CNTNAP2: variants seen among roughly 807,000 people sequenced by gnomAD.
The protein encoded by CNTNAP2 is contactin associated protein 2.
Under a neutral mutation model 155.2 loss-of-function variants are expected in CNTNAP2, and 98 were observed. That is an observed-to-expected ratio of 0.63 (90% CI 0.54 to 0.75). The LOEUF is 0.75. Ranked by LOEUF, CNTNAP2 falls within the 30% of genes least tolerant of loss-of-function variation. The pLI is 0.00. For synonymous variants in CNTNAP2, 651 were observed against 631.2 expected (o/e 1.03, Z -0.47); for missense variants, 1,727 against 1,688.1 (o/e 1.02, Z -0.40).
At chr7:147,489,818 C>A (rs554077644) in intron 11 of CNTNAP2, among the ~76,000 whole-genome samples, 1 of 152,058 alleles carries the variant, frequency 6.6e-6, no homozygotes, top group African/African-American at 2.4e-5. Context: ...GGATTCACTG[C>A]GTTAGCCAGG....
intron 1 of CNTNAP2, among the ~76,000 whole-genome samples, chr7:146,171,402 C>T (rs1798388292): frequency 6.6e-6 from 1 of 151,972 alleles, no homozygotes; most frequent in Non-Finnish European, 1.5e-5. Context: ...CAAAATGAAT[C>T]ACATATGACA....
chr7:146,789,096 T>C (rs1802628123), intron 2 of CNTNAP2, among the ~76,000 whole-genome samples: 1 of 152,210 alleles, frequency 6.6e-6, no homozygotes, highest in South Asian at 2.1e-4. Context: ...AATTCAGAAG[T>C]TACAAAACTC....
chr7:146,892,636 C>T (rs1463038114), intron 3 of CNTNAP2, among the ~76,000 whole-genome samples: 4 of 152,064 alleles, frequency 2.6e-5, no homozygotes, highest in African/African-American at 9.7e-5. Flanking sequence ...CTTAGCTGGG[C>T]GTGGTGGCAC....
At chr7:147,319,047 A>G (rs1342590072) in intron 9 of CNTNAP2, among the ~76,000 whole-genome samples, 1 of 152,178 alleles carries the variant, frequency 6.6e-6, no homozygotes, top group East Asian at 1.9e-4. Context: ...TTGTGTTTAA[A>G]TGTACATTTG....
chr7:147,323,063 G>A (rs1394589659), intron 9 of CNTNAP2, among the ~76,000 whole-genome samples: 2 of 28,816 alleles, frequency 6.9e-5, no homozygotes, highest in Non-Finnish European at 1.1e-4. Flanking sequence ...GGTTTTTTGT[G>A]TCTCTATTTC....
intron 21 of CNTNAP2, among the ~76,000 whole-genome samples, chr7:148,339,794 C>T (rs1378799170): frequency 6.6e-6 from 1 of 152,144 alleles, no homozygotes; most frequent in African/African-American, 2.4e-5. Context: ...CTGCAAGCAG[C>T]GCTTTTGGTC....
intron 8 of CNTNAP2, among the ~76,000 whole-genome samples, chr7:147,230,185 C>T (rs1184862193): frequency 1.3e-5 from 2 of 152,124 alleles, no homozygotes; most frequent in Admixed American, 6.6e-5. Flanking sequence ...TCCAAGATCT[C>T]AGGAGGATTT....
chr7:147,208,926 T>C (rs891842782), intron 8 of CNTNAP2, among the ~76,000 whole-genome samples: 8 of 151,990 alleles, frequency 5.3e-5, no homozygotes, highest in African/African-American at 7.2e-5. Flanking sequence ...ATTAATCTCA[T>C]TGCAAATTGC....
In CNTNAP2 at chr7:146,729,078, C is replaced by A. The variant is rs1801480743; in HGVS notation, c.98-45193C>A. Among the ~76,000 whole-genome samples, 3 of 152,258 alleles carry A rather than the reference C, an allele frequency of 2.0e-5. No individual in the cohort carries two copies. In the South Asian group the frequency reaches 6.2e-4, roughly 32 times the overall value. ...GAAAATTAAACCCTCTGGGGCTGAT[C>A]CACGCGGAGCTCAGTTGAAGTATTA... On this transcript the variant is annotated intron_variant, in intron 1 of 23. Transcript: ENST00000361727.
chr7:146,552,981 T>C (rs866648727), intron 1 of CNTNAP2, among the ~76,000 whole-genome samples: 36 of 152,146 alleles, frequency 2.4e-4, no homozygotes, highest in African/African-American at 8.7e-4. Context: ...CAAAACTTTT[T>C]CATATTCCCA....
rs567081038 is a variant in CNTNAP2 at position 146,232,661 on chromosome 7, A to G, written c.97+115688A>G. On this transcript the variant is annotated intron_variant, in intron 1 of 23. Coordinates refer to ENST00000361727, the MANE Select transcript of CNTNAP2 (RefSeq NM_014141.6). Reference sequence around the variant, plus strand: ...TCAAATCAAGGTATAGACTTGTTTGAAAACTATTCTATCTCTCTAATAACC... The same window carrying G: ...TCAAATCAAGGTATAGACTTGTTTGGAAACTATTCTATCTCTCTAATAACC... 1.2e-3 allele frequency among the ~76,000 whole-genome samples: 178 copies of G among 152,256 alleles called. 1 individual carries two copies. The highest frequency in any genetic ancestry group is 2.0e-3 in the Non-Finnish European group (135 of 68,006).
At chr7:146,742,789 A>G (rs1037280414) in intron 1 of CNTNAP2, among the ~76,000 whole-genome samples, 2 of 152,188 alleles carry the variant, frequency 1.3e-5, no homozygotes, top group Non-Finnish European at 2.9e-5. Context: ...TATATTCGGG[A>G]AACGAGCTAG....
At chr7:147,394,003 T>G (rs532496227) in intron 9 of CNTNAP2, among the ~76,000 whole-genome samples, 10 of 152,146 alleles carry the variant, frequency 6.6e-5, no homozygotes, top group African/African-American at 2.4e-4. Flanking sequence ...AAAATGTCAC[T>G]TAATAACTGG....
chr7:147,509,844 G>C (rs1798983725), intron 11 of CNTNAP2, among the ~76,000 whole-genome samples: 1 of 152,018 alleles, frequency 6.6e-6, no homozygotes, highest in South Asian at 2.1e-4. Context: ...TAATTCCTGG[G>C]TACTTCTGGG....
At chr7:148,304,607 T>G (rs1040842201) in intron 21 of CNTNAP2, among the ~76,000 whole-genome samples, 2 of 152,172 alleles carry the variant, frequency 1.3e-5, no homozygotes, top group Admixed American at 1.3e-4. Flanking sequence ...GTGGGCAATA[T>G]GTAAATGAGT....
chr7:146,387,705 G>A (rs1330675951), intron 1 of CNTNAP2, among the ~76,000 whole-genome samples: 2 of 151,932 alleles, frequency 1.3e-5, no homozygotes, highest in African/African-American at 2.4e-5. Context: ...TTGTTCTTTG[G>A]CATCTATGTT....
intron 13 of CNTNAP2, among the ~76,000 whole-genome samples, chr7:147,832,856 T>G (rs1798575377): frequency 6.8e-6 from 1 of 148,006 alleles, no homozygotes; most frequent in Non-Finnish European, 1.5e-5. Flanking sequence ...ATTATATTTA[T>G]ACATATTTTA....
chr7:147,539,116 AAT>A (rs1343268058), intron 11 of CNTNAP2, among the ~76,000 whole-genome samples: 1 of 152,074 alleles, frequency 6.6e-6, no homozygotes, highest in African/African-American at 2.4e-5. Flanking sequence ...ATTTCAAAAG[AAT>A]ATATATATAC....
chr7:146,301,151 A>C (rs554286302), intron 1 of CNTNAP2, among the ~76,000 whole-genome samples: 11 of 152,316 alleles, frequency 7.2e-5, no homozygotes, highest in African/African-American at 2.6e-4. Context: ...TGTTTATAAT[A>C]ATACAATTTA....
Sources: gnomAD v4.1 joint callset for allele counts (sites outside exome capture counted in the v4.1 genomes callset) on GRCh38, gnomAD v4.1.1 for gene constraint, MANE v1.5 for transcripts, NCBI Gene and HGNC (gene_info 2026-07-23, HGNC 2026-07-21) for gene names.